The following KALRN variants were observed in gnomAD, a reference collection of about 807,000 sequenced individuals.
The protein encoded by KALRN is kalirin RhoGEF kinase.
Under a neutral mutation model 353.7 loss-of-function variants are expected in KALRN, and 70 were observed. The ratio of observed to expected loss-of-function variants is 0.20; its 90% CI spans 0.16 to 0.24. The LOEUF is 0.24. Among genes scored for constraint, KALRN ranks in the 10% least tolerant of loss-of-function variants. KALRN has a pLI of 1.00. For synonymous variants in KALRN, 1,391 were observed against 1,434.8 expected, an observed-to-expected ratio of 0.97 and a Z score of 0.69; for missense variants, 2,791 against 3,756.7, an observed-to-expected ratio of 0.74 and a Z score of 6.72.
chr3:124,635,187 C>G (rs2081223981), intron 36 of KALRN, among the ~76,000 whole-genome samples: 1 of 152,118 alleles, frequency 6.6e-6, no homozygotes, highest in South Asian at 2.1e-4. Flanking sequence ...GTTATACCAT[C>G]CTGGGTTCCT....
At chr3:124,242,736 C>T (rs2080631643) in intron 3 of KALRN, among the ~76,000 whole-genome samples, 1 of 152,116 alleles carries the variant, frequency 6.6e-6, no homozygotes, top group Admixed American at 6.5e-5. Context: ...TTTTGGGCTT[C>T]TGCTGGCCAA....
chr3:124,175,772 C>T (rs557961827), intron 1 of KALRN, among the ~76,000 whole-genome samples: 13 of 152,354 alleles, frequency 8.5e-5, no homozygotes, highest in African/African-American at 2.2e-4. Flanking sequence ...CCAGCACAGA[C>T]GTGGTTGCCT....
intron 1 of KALRN, among the ~76,000 whole-genome samples, chr3:124,043,893 G>C (rs964094201): frequency 6.6e-6 from 1 of 152,126 alleles, no homozygotes; most frequent in Non-Finnish European, 1.5e-5. Context: ...AGAAGTAAGT[G>C]AGGAGAGGAG....
intron 34 of KALRN, among the ~76,000 whole-genome samples, chr3:124,574,427 A>G (rs1437458056): frequency 6.6e-6 from 1 of 152,224 alleles, no homozygotes; most frequent in Non-Finnish European, 1.5e-5. Context: ...GCTGGTGCCC[A>G]CTGTAAATCT....
At position 124,395,281 on chromosome 3, in the gene KALRN, C is replaced by T. The variant is rs751015706; in HGVS notation, c.2109C>T (p.Gly703=). 15 of 1,613,418 alleles carry T rather than the reference C, an allele frequency of 9.3e-6. No individual in the cohort carries two copies. Among genetic ancestry groups the T allele is most frequent in the South Asian group, 2.2e-5 (2 of 91,016 alleles). ...LDATLNVIKE[G]EDLIQQLRSA... ...CCACACTCAATGTCATCAAGGAAGG[C>T]GAAGACCTTATCCAGCAGCTCAGGT... The change falls in exon 12 of 60, where the codon GGC becomes GGT. Residue 703 remains glycine (G), a synonymous_variant. Transcript: ENST00000682506.
chr3:124,713,833 A>C (rs928837664), intron 58 of KALRN, among the ~76,000 whole-genome samples: 28 of 152,222 alleles, frequency 1.8e-4, no homozygotes, highest in Admixed American at 1.3e-3. Flanking sequence ...TGGCCTAGAC[A>C]GGAGACAGAC....
chr3:124,587,250 GTC>G (rs1284689929), intron 34 of KALRN, among the ~76,000 whole-genome samples: 3 of 152,162 alleles, frequency 2.0e-5, no homozygotes, highest in Admixed American at 2.0e-4. Context: ...CGGTTGTTTG[GTC>G]TCTATCCCTT....
At chr3:124,526,843 G>A (rs1179849065) in intron 33 of KALRN, among the ~76,000 whole-genome samples, 1 of 152,138 alleles carries the variant, frequency 6.6e-6, no homozygotes, top group Non-Finnish European at 1.5e-5. Flanking sequence ...AATGTGTATT[G>A]CTAATAATTA....
At chr3:124,298,577 C>T (rs2077025386) in intron 5 of KALRN, among the ~76,000 whole-genome samples, 1 of 152,116 alleles carries the variant, frequency 6.6e-6, no homozygotes, top group African/African-American at 2.4e-5. Flanking sequence ...TAATGCAACA[C>T]AGCGGCTGCT....
At chr3:124,254,422 C>CAAA (rs35522040) in intron 3 of KALRN, among the ~76,000 whole-genome samples, 7 of 121,280 alleles carry the variant, frequency 5.8e-5, no homozygotes, top group African/African-American at 2.1e-4. Flanking sequence ...ATCTATGAAG[C>CAAA]AAAAAAAAAA....
chr3:124,154,897 T>C (rs1578713426), intron 1 of KALRN, among the ~76,000 whole-genome samples: 1 of 152,300 alleles, frequency 6.6e-6, no homozygotes, highest in Non-Finnish European at 1.5e-5. Context: ...AGCATGGTAC[T>C]GGTACCAAAA....
intron 1 of KALRN, among the ~76,000 whole-genome samples, chr3:124,140,848 C>G (rs2066537868): frequency 6.6e-6 from 1 of 152,110 alleles, no homozygotes; most frequent in African/African-American, 2.4e-5. Flanking sequence ...TCATGGGTGA[C>G]TTCACCTCCC....
intron 33 of KALRN, among the ~76,000 whole-genome samples, chr3:124,561,208 A>G (rs1236051171): frequency 1.3e-5 from 2 of 152,174 alleles, no homozygotes; most frequent in Non-Finnish European, 2.9e-5. Flanking sequence ...GTTTTTAAGG[A>G]GGATAGCACC....
At chr3:124,163,773 CCTT>C (rs1239280194) in intron 1 of KALRN, 2 of 985,336 alleles carry the variant, frequency 2.0e-6, no homozygotes, top group East Asian at 1.1e-4. Context: ...CAAGTTCTCT[CCTT>C]CTCCTTCCAA....
At chr3:124,702,922 A>G (rs907813311) in intron 57 of KALRN, among the ~76,000 whole-genome samples, 1 of 152,232 alleles carries the variant, frequency 6.6e-6, no homozygotes, top group Non-Finnish European at 1.5e-5. Context: ...TGGCCCACAA[A>G]ATAGTCTATG....
intron 32 of KALRN, among the ~76,000 whole-genome samples, chr3:124,493,523 C>A (rs373122947): frequency 1.3e-5 from 2 of 152,154 alleles, no homozygotes; most frequent in Admixed American, 1.3e-4. Flanking sequence ...TACAATGACT[C>A]TTTTGGGGGA....
At chr3:124,304,396 C>G (rs1457625498) in intron 6 of KALRN, among the ~76,000 whole-genome samples, 1 of 151,992 alleles carries the variant, frequency 6.6e-6, no homozygotes, top group East Asian at 1.9e-4. Flanking sequence ...GGAGTAGGAC[C>G]CCAGGATTGT....
At chr3:124,320,460 G>A (rs1233855698) in intron 6 of KALRN, among the ~76,000 whole-genome samples, 1 of 152,210 alleles carries the variant, frequency 6.6e-6, no homozygotes, top group African/African-American at 2.4e-5. Context: ...CTCTCGAGCT[G>A]AAGACAAGTC....
At chr3:124,603,669 C>T (rs756821668) in intron 34 of KALRN, among the ~76,000 whole-genome samples, 3 of 152,148 alleles carry the variant, frequency 2.0e-5, no homozygotes, top group Non-Finnish European at 2.9e-5. Context: ...ACAACTCTCC[C>T]ACGAGCATGG....
Sources: allele counts gnomAD v4.1 joint callset (sites outside exome capture counted in the v4.1 genomes callset), GRCh38; gene constraint gnomAD v4.1.1; transcripts MANE v1.5; gene names NCBI Gene and HGNC (gene_info 2026-07-23, HGNC 2026-07-21).